Variants in C4orf50 observed in about 807,000 individuals in gnomAD.
C4orf50 encodes uncharacterized protein C4orf50.
A neutral mutation model predicts 77.2 loss-of-function variants in C4orf50; 80 were observed. That is an observed-to-expected ratio of 1.04 (90% confidence interval 0.87 to 1.25). The LOEUF is 1.25. Among genes scored for constraint, C4orf50 ranks in the 50% most tolerant of loss-of-function variants. The pLI, the probability that C4orf50 is intolerant of heterozygous loss-of-function variation, is 0.00. For missense variants in C4orf50, 1,257 were observed against 1,152.9 expected (o/e 1.09, Z -1.31); for synonymous variants, 532 against 465.3 (o/e 1.14, Z -1.84).
rs532404068 is a variant in C4orf50 at position 5,916,002 on chromosome 4, C to T, written c.*2475-17814G>A. 6.6e-6 allele frequency among the ~76,000 whole-genome samples: 1 copy of T among 152,286 alleles called. No individual in the cohort carries two copies. Among genetic ancestry groups the T allele is most frequent in the South Asian group, 2.1e-4 (1 of 4,820 alleles). On this transcript the variant is annotated intron_variant, in intron 7 of 7. Coordinates refer to the C4orf50 transcript ENST00000324058. The surrounding 1 kb of genome is among the most constrained non-coding windows in gnomAD (Gnocchi z 4.4). ...ACAATTTGGCTGCTTGTGAAAGGAA[C>T]CAAACTGAAGTTGCCTGGGCAAAAA...
chr4:5,947,365 G>A (rs1019995575), intron 7 of C4orf50, among the ~76,000 whole-genome samples: 1 of 152,184 alleles, frequency 6.6e-6, no homozygotes, highest in African/African-American at 2.4e-5. Flanking sequence ...CCTTGGCCCT[G>A]GAAGAGGCAA....
chr4:5,975,906 G>A (rs535510720), exon 30 of C4orf50: 1 of 1,611,414 alleles, frequency 6.2e-7, no homozygotes, highest in Non-Finnish European at 8.5e-7. Flanking sequence ...TACCTTCAGG[G>A]GAGTCACTGC....
intron 23 of C4orf50, among the ~76,000 whole-genome samples, chr4:6,016,096 T>A (rs894222552): frequency 6.6e-6 from 1 of 152,140 alleles, no homozygotes; most frequent in African/African-American, 2.4e-5. Flanking sequence ...TTTTTTTGAG[T>A]CTTTCTTAAA....
At chr4:6,004,018 GGTGATAATGTGATA>G (rs1722021485) in intron 25 of C4orf50, among the ~76,000 whole-genome samples, 1 of 121,248 alleles carries the variant, frequency 8.2e-6, no homozygotes, top group Non-Finnish European at 1.7e-5. Context: ...ATGATGTGAT[GGTGATAATGTGATA>G]GTGATGATGG....
In C4orf50 at chr4:5,965,188, A is replaced by C. The variant is rs181183398; in HGVS notation, c.4154-43T>G. On this transcript the variant is annotated intron_variant, in intron 32 of 33. Coordinates refer to ENST00000531445, the Ensembl canonical transcript of C4orf50. ...CAGTCAAGCCTCCACCCAGGAACCT[A>C]GGTGAAAAGTCTACAAGTGTCTGAG... 37 of 1,595,154 alleles carry C rather than the reference A, an allele frequency of 2.3e-5. No homozygotes were observed. In the East Asian group the frequency reaches 8.3e-4, roughly 36 times the overall value.
intron 7 of C4orf50, chr4:5,898,954 A>C (rs970715041): frequency 5.3e-5 from 8 of 152,346 alleles, no homozygotes; most frequent in African/African-American, 1.7e-4. Context: ...CTTGTATAGG[A>C]GCTGTGCTTT....
intron 28 of C4orf50, among the ~76,000 whole-genome samples, chr4:5,986,126 A>G (rs1441229716): frequency 2.0e-5 from 3 of 152,234 alleles, no homozygotes; most frequent in Non-Finnish European, 4.4e-5. Context: ...ATCAGCAAAG[A>G]TAGAAGAGAT....
intron 7 of C4orf50, among the ~76,000 whole-genome samples, chr4:5,937,540 C>T (rs1718079995): frequency 6.6e-6 from 1 of 152,016 alleles, no homozygotes; most frequent in Non-Finnish European, 1.5e-5. Context: ...GATAAATATA[C>T]ATATATTTGT....
chr4:5,906,811 CA>C (rs1192824128), intron 7 of C4orf50, among the ~76,000 whole-genome samples: 2 of 152,166 alleles, frequency 1.3e-5, no homozygotes, highest in African/African-American at 4.8e-5. Flanking sequence ...TGTAGGTACA[CA>C]GCTTCAAATC....
downstream of C4orf50, among the ~76,000 whole-genome samples, chr4:5,952,911 T>C (rs1183394121): frequency 6.6e-6 from 1 of 152,222 alleles, no homozygotes; most frequent in Non-Finnish European, 1.5e-5. The surrounding 1 kb of genome is among the most constrained non-coding windows in gnomAD (Gnocchi z 4.4). Context: ...TCGTAAGTTT[T>C]GGTTTTGCCT....
chr4:6,001,360 G>A (rs1004313784), intron 25 of C4orf50, among the ~76,000 whole-genome samples: 1 of 152,214 alleles, frequency 6.6e-6, no homozygotes, highest in African/African-American at 2.4e-5. Context: ...ATGTTGGACA[G>A]GCTGGTCACT....
intron 7 of C4orf50, among the ~76,000 whole-genome samples, chr4:5,920,640 C>A (rs897179987): frequency 2.0e-5 from 3 of 150,560 alleles, no homozygotes; most frequent in Admixed American, 6.7e-5. Flanking sequence ...CCATGCCCTG[C>A]TAATTTTTGT....
At chr4:6,012,554 CA>C (rs1722532665) in intron 23 of C4orf50, among the ~76,000 whole-genome samples, 1 of 152,164 alleles carries the variant, frequency 6.6e-6, no homozygotes, top group Non-Finnish European at 1.5e-5. Context: ...TTAATCTCTG[CA>C]TTACTTAGTC....
chr4:5,973,898 T>C, intron 30 of C4orf50, 57 bp from the exon 9 acceptor site: 1 of 1,426,984 alleles, frequency 7.0e-7, no homozygotes, highest in Non-Finnish European at 9.5e-7. Context: ...ATGGCTGAGC[T>C]GGAGGGCTGG....
At chr4:6,001,552 G>C (rs1265523148) in intron 25 of C4orf50, among the ~76,000 whole-genome samples, 1 of 152,172 alleles carries the variant, frequency 6.6e-6, no homozygotes, top group African/African-American at 2.4e-5. Context: ...CAAGAAACTA[G>C]TGTCCTAAAC....
intron 7 of C4orf50, chr4:5,899,729 C>G (rs560529022): frequency 6.6e-6 from 1 of 152,324 alleles, no homozygotes; most frequent in East Asian, 1.9e-4. Flanking sequence ...TCCCATGGTT[C>G]TCCCCCAGCT....
At chr4:6,001,088 C>G (rs1379458062) in intron 25 of C4orf50, among the ~76,000 whole-genome samples, 1 of 152,220 alleles carries the variant, frequency 6.6e-6, no homozygotes, top group African/African-American at 2.4e-5. Context: ...TTCTCCTAAC[C>G]TGGTTTTTCA....
intron 7 of C4orf50, among the ~76,000 whole-genome samples, chr4:5,929,323 C>G (rs1717657493): frequency 6.6e-6 from 1 of 152,096 alleles, no homozygotes; most frequent in Non-Finnish European, 1.5e-5. Flanking sequence ...TTTTGAAGCC[C>G]ATATCTGCAT....
intron 28 of C4orf50, among the ~76,000 whole-genome samples, chr4:5,987,775 G>T (rs552685981): frequency 2.0e-5 from 3 of 152,156 alleles, no homozygotes; most frequent in Non-Finnish European, 4.4e-5. Context: ...GAAGGCCACC[G>T]TAGGAACATT....
Sources: gnomAD v4.1 joint callset for allele counts (sites outside exome capture counted in the v4.1 genomes callset) on GRCh38, gnomAD v4.1.1 for gene constraint, Gnocchi (gnomAD v3.1) non-coding constraint, MANE v1.5 for transcripts, NCBI Gene and HGNC (gene_info 2026-07-23, HGNC 2026-07-21) for gene names.